Variants in RLF observed in about 807,000 individuals in gnomAD.
RLF encodes the protein zinc finger protein Rlf.
A neutral mutation model predicts 162.9 loss-of-function variants in RLF; 7 were observed. That is an observed-to-expected ratio of 0.04 (90% CI 0.02 to 0.08). The LOEUF (loss-of-function observed/expected upper bound fraction) is 0.08, where lower values mean the gene tolerates loss of function less well. Ranked by LOEUF, RLF falls within the 10% of genes least tolerant of loss-of-function variation. RLF has a pLI of 1.00. For missense variants in RLF, 1,664 were observed against 2,244.7 expected (o/e 0.74, Z 5.23); for synonymous variants, 782 against 791.5 (o/e 0.99, Z 0.20).
At chr1:40,219,793 A>T (rs1194875093) in intron 5 of RLF, among the ~76,000 whole-genome samples, 3 of 152,254 alleles carry the variant, frequency 2.0e-5, no homozygotes, top group African/African-American at 7.2e-5. Context: ...AATTAAAAGA[A>T]TGTTAGTATT....
chr1:40,203,858 A>G (rs368040830), intron 5 of RLF, among the ~76,000 whole-genome samples: 131 of 152,084 alleles, frequency 8.6e-4, no homozygotes, highest in East Asian at 4.5e-3. Context: ...ACAATTGTCT[A>G]TCTTTCTACC....
chr1:40,194,330 A>G (rs986397726), intron 3 of RLF, among the ~76,000 whole-genome samples: 2 of 152,142 alleles, frequency 1.3e-5, no homozygotes, highest in Non-Finnish European at 2.9e-5. Context: ...TTTAAAAGAA[A>G]GCGGCACCAA....
chr1:40,169,430 C>G (rs1642209034), intron 1 of RLF, among the ~76,000 whole-genome samples: 1 of 151,640 alleles, frequency 6.6e-6, no homozygotes, highest in Non-Finnish European at 1.5e-5. Flanking sequence ...TCCTGGCTAA[C>G]AGGGTGAAAC....
In RLF at chr1:40,229,500, G is replaced by A. The variant is rs376895273; in HGVS notation, c.948-2017G>A. Among the ~76,000 whole-genome samples, 13 of 140,324 alleles carry A rather than the reference G, an allele frequency of 9.3e-5. 1 individual carries two copies. The highest frequency in any genetic ancestry group is 4.1e-4 in the East Asian group (2 of 4,902). 92.1% of individuals were successfully genotyped at this position (140,324 alleles called of 152,430 possible). The stretch of plus-strand genomic sequence containing the variant: ...GACAGAGTCTTGCTGTGTCACCCAG[G>A]CTGGAGCGCAGTGGTGCAATCTCGG... On this transcript the variant is annotated intron_variant, in intron 6 of 7. Transcript: ENST00000372771.
intron 5 of RLF, among the ~76,000 whole-genome samples, chr1:40,220,746 T>TG (rs778863029): frequency 1.3e-5 from 2 of 152,144 alleles, no homozygotes; most frequent in Non-Finnish European, 2.9e-5. Context: ...TTGTTTACAG[T>TG]GGATTTGGGA....
intron 5 of RLF, among the ~76,000 whole-genome samples, chr1:40,217,687 G>A (rs948863794): frequency 2.6e-5 from 4 of 151,946 alleles, no homozygotes; most frequent in African/African-American, 4.8e-5. Flanking sequence ...CAGGAGAATT[G>A]CATGAACCCG....
rs749304736 is a variant in RLF, at chr1:40,237,449, T to C, written c.2747T>C (p.Leu916Pro). 3.1e-6 allele frequency: 5 copies of C among 1,613,928 alleles called. No individual in the cohort carries two copies. The African/African-American group carries it at 5.3e-5, about 17-fold the overall frequency. The change falls in exon 8 of 8, where the codon CTA becomes CCA. Residue 916 changes from leucine (L) to proline (P), a missense_variant. This residue lies in a region of RLF where 295 missense variants were observed against 317.4 expected (regional missense o/e 0.93). Coordinates refer to ENST00000372771, the MANE Select transcript of RLF (RefSeq NM_012421.4). The surrounding 1 kb of genome is among the most constrained non-coding windows in gnomAD (Gnocchi z 4.4). ...ASMNEELIDT[L>P]DHSETMQDVL... is the part of the protein sequence containing the mutation. ...ATGAATGAAGAGCTAATTGACACAC[T>C]AGATCACTCTGAAACTATGCAGGAT...
Position 40,161,756 on chromosome 1 carries a change from C to T in RLF, c.237+120C>T, listed in dbSNP as rs1250686983. The T allele has an allele frequency of 2.9e-6, 4 of 1,390,426 alleles. No individual in the cohort carries two copies. The highest frequency in any genetic ancestry group is 2.5e-4 in the Middle Eastern group (1 of 3,992). 86.1% of individuals were successfully genotyped at this position (1,390,426 alleles called of 1,614,324 possible). Reference sequence around the variant, plus strand: ...GGCGCCACCTCCGTGACTCGCCGCGCCCCCGGGCCGGGAAGGCCCAGCTCG... The same window carrying T: ...GGCGCCACCTCCGTGACTCGCCGCGTCCCCGGGCCGGGAAGGCCCAGCTCG... On this transcript the variant is annotated intron_variant, in intron 1 of 7. Coordinates refer to ENST00000372771, the MANE Select transcript of RLF (RefSeq NM_012421.4). The surrounding 1 kb of genome is among the most constrained non-coding windows in gnomAD (Gnocchi z 4.4).
intron 6 of RLF, among the ~76,000 whole-genome samples, chr1:40,227,006 G>A (rs562939980): frequency 6.6e-6 from 1 of 152,254 alleles, no homozygotes; most frequent in South Asian, 2.1e-4. Flanking sequence ...TGGGATTATA[G>A]GTGCCAGCCA....
At chr1:40,218,995 TATAAG>T (rs766131918) in intron 5 of RLF, among the ~76,000 whole-genome samples, 4 of 137,542 alleles carry the variant, frequency 2.9e-5, no homozygotes, top group East Asian at 2.0e-4. Context: ...GTATCTTAAG[TATAAG>T]ATGTTTCCTA....
intron 1 of RLF, among the ~76,000 whole-genome samples, chr1:40,174,183 C>A (rs1302808626): frequency 2.0e-5 from 3 of 151,884 alleles, no homozygotes; most frequent in African/African-American, 7.3e-5. Flanking sequence ...CCAGCCTGGC[C>A]AAGATGGTAA....
intron 1 of RLF, among the ~76,000 whole-genome samples, chr1:40,183,827 T>G (rs1642438163): frequency 6.6e-6 from 1 of 152,040 alleles, no homozygotes; most frequent in Non-Finnish European, 1.5e-5. Flanking sequence ...GCTCATGGAG[T>G]TGTGCATATT....
rs371520197 is a variant in RLF, at chr1:40,192,947, A to C, written c.474+2094A>C. ...GAAAAATGACAGCCTATTTTCTGCA[A>C]CTTGGTTTTTTACATAATAATCATG... On this transcript the variant is annotated intron_variant, in intron 3 of 7. Coordinates refer to ENST00000372771, the MANE Select transcript of RLF (RefSeq NM_012421.4). 3.3e-3 allele frequency among the ~76,000 whole-genome samples: 508 copies of C among 152,214 alleles called. 2 individuals carry two copies. Among genetic ancestry groups the C allele is most frequent in the Non-Finnish European group, 4.3e-3 (294 of 67,994 alleles).
At chr1:40,204,000 C>G (rs1642754871) in intron 5 of RLF, among the ~76,000 whole-genome samples, 1 of 151,086 alleles carries the variant, frequency 6.6e-6, no homozygotes, top group African/African-American at 2.4e-5. Context: ...GTCAGATCAT[C>G]ATTATCACTC....
intron 1 of RLF, among the ~76,000 whole-genome samples, chr1:40,170,281 T>C (rs908075787): frequency 6.6e-6 from 1 of 151,882 alleles, no homozygotes; most frequent in Non-Finnish European, 1.5e-5. Flanking sequence ...TGAGACAGGG[T>C]CTTGCTGTGT....
At chr1:40,217,879 T>C (rs1283599947) in intron 5 of RLF, among the ~76,000 whole-genome samples, 2 of 152,216 alleles carry the variant, frequency 1.3e-5, no homozygotes, top group Non-Finnish European at 2.9e-5. Flanking sequence ...TTCTTTAAAA[T>C]ATGTATATAT....
At position 40,182,784 on chromosome 1, in the gene RLF, GATAGATA is replaced by G. The variant is rs1164683163; in HGVS notation, c.238-6270_238-6264del. Among the ~76,000 whole-genome samples the G allele has an allele frequency of 4.0e-5, 6 of 151,632 alleles. No homozygotes were observed. The South Asian group carries it at 1.2e-3, about 31-fold the overall frequency. On this transcript the variant is annotated intron_variant, in intron 1 of 7. Transcript: ENST00000372771. Reference sequence around the variant, plus strand: ...AGATAGATAGATAGATAGATAGATAGATAGATAGAGTAATAAGTTAGTCATATCACTG... The same window carrying G: ...AGATAGATAGATAGATAGATAGATAGGAGTAATAAGTTAGTCATATCACTG...
chr1:40,168,075 G>A (rs1275313945), intron 1 of RLF, among the ~76,000 whole-genome samples: 1 of 151,770 alleles, frequency 6.6e-6, no homozygotes, highest in East Asian at 1.9e-4. Context: ...GCCAGGTGTG[G>A]TAATATTAGC....
Position 40,172,144 on chromosome 1 carries a change from TA to T in RLF, c.237+10517del, listed in dbSNP as rs952470677. On this transcript the variant is annotated intron_variant, in intron 1 of 7. Coordinates refer to ENST00000372771, the MANE Select transcript of RLF (RefSeq NM_012421.4). ...TAGCAACACCTTCAACACTCTTAAC[TA>T]AAAAAAAATTTTTTTTAAACTATAA... is the stretch of plus-strand genomic sequence containing the variant. Among the ~76,000 whole-genome samples the T allele has an allele frequency of 2.6e-5, 4 of 151,732 alleles. No homozygotes were observed. In the South Asian group the frequency reaches 6.2e-4, roughly 24 times the overall value.
Sources: gnomAD v4.1 joint callset for allele counts (sites outside exome capture counted in the v4.1 genomes callset) on GRCh38, gnomAD v4.1.1 for gene constraint, gnomAD v4.1.1 regional missense constraint, Gnocchi (gnomAD v3.1) non-coding constraint, MANE v1.5 for transcripts, NCBI Gene and HGNC (gene_info 2026-07-23, HGNC 2026-07-21) for gene names.